The following TAFA5 variants were observed in gnomAD, a reference collection of about 807,000 sequenced individuals.
The protein encoded by TAFA5 is chemokine-like protein TAFA-5.
In TAFA5, 6 loss-of-function variants were observed where a neutral mutation model predicts 15.3. That is an observed-to-expected ratio of 0.39 (90% confidence interval 0.21 to 0.77). The LOEUF is 0.77. Among genes scored for constraint, TAFA5 ranks in the 30% least tolerant of loss-of-function variants. The pLI, the probability that TAFA5 is intolerant of heterozygous loss-of-function variation, is 0.41. For synonymous variants in TAFA5, 103 were observed against 80.7 expected (o/e 1.28, Z -1.48); for missense variants, 161 against 193.1 (o/e 0.83, Z 0.98).
In TAFA5 at chr22:48,578,775, C is replaced by T. The variant is rs564823573; in HGVS notation, c.113-67822C>T. Among the ~76,000 whole-genome samples, 26 of 152,316 alleles carry T rather than the reference C, an allele frequency of 1.7e-4. No homozygotes were observed. In the South Asian group the frequency reaches 5.0e-3, roughly 29 times the overall value. ...GGAAGGTCAGGACTTGGGCAGCCTC[C>T]CTGTCCTTGCTGAGACGGCCTTTTG... On this transcript the variant is annotated intron_variant, in intron 1 of 3. Transcript: ENST00000402357.
chr22:48,650,652 AC>A (rs1385848760), intron 2 of TAFA5, among the ~76,000 whole-genome samples: 44 of 152,284 alleles, frequency 2.9e-4, no homozygotes, highest in African/African-American at 1.0e-3. Flanking sequence ...TTCTGGGTGA[AC>A]CATGTCCCTG....
chr22:48,508,751 T>C (rs1921103128), intron 1 of TAFA5, among the ~76,000 whole-genome samples: 1 of 152,214 alleles, frequency 6.6e-6, no homozygotes, highest in South Asian at 2.1e-4. Context: ...ATACAAACAA[T>C]GTGTGGTGAT....
chr22:48,628,613 C>T (rs1178931137), intron 1 of TAFA5, among the ~76,000 whole-genome samples: 4 of 152,204 alleles, frequency 2.6e-5, no homozygotes, highest in African/African-American at 9.7e-5. Flanking sequence ...GATGCTTGGA[C>T]CTGGTGAGCT....
chr22:48,492,818 CTT>C (rs1390234258), intron 1 of TAFA5, among the ~76,000 whole-genome samples: 4 of 152,162 alleles, frequency 2.6e-5, no homozygotes, highest in African/African-American at 9.7e-5. Context: ...TGATGATGAG[CTT>C]TGATGGGGAA....
intron 1 of TAFA5, among the ~76,000 whole-genome samples, chr22:48,563,403 C>T (rs895096856): frequency 2.6e-5 from 4 of 152,228 alleles, no homozygotes; most frequent in South Asian, 2.1e-4. Flanking sequence ...CCTCACTCAC[C>T]GGCAGTGTGG....
chr22:48,584,690 AACAC>A (rs747067679), intron 1 of TAFA5, among the ~76,000 whole-genome samples: 3 of 140,724 alleles, frequency 2.1e-5, no homozygotes, highest in African/African-American at 8.0e-5. Context: ...ATACACCACA[AACAC>A]ACACCACACA....
intron 1 of TAFA5, among the ~76,000 whole-genome samples, chr22:48,523,849 G>C (rs1921688952): frequency 6.6e-6 from 1 of 152,212 alleles, no homozygotes; most frequent in South Asian, 2.1e-4. Flanking sequence ...CTGCAGAGAG[G>C]AGGCTGGCGA....
intron 3 of TAFA5, among the ~76,000 whole-genome samples, chr22:48,738,341 C>T (rs1930089064): frequency 6.6e-6 from 1 of 152,216 alleles, no homozygotes; most frequent in African/African-American, 2.4e-5. Flanking sequence ...TGTCACCAAA[C>T]CCACATGGGG....
Position 48,490,581 on chromosome 22 carries a change from C to T in TAFA5, c.112+877C>T, listed in dbSNP as rs573636637. ...TGCTCAGCATCCCGGGGCACGTTCGCGGCTGGTGGGGTAAGTGGGGGCCGC... is the reference window on the plus strand; with the variant it reads ...TGCTCAGCATCCCGGGGCACGTTCGTGGCTGGTGGGGTAAGTGGGGGCCGC... On this transcript the variant is annotated intron_variant, in intron 1 of 3. Transcript: ENST00000402357. The surrounding 1 kb of genome is among the most constrained non-coding windows in gnomAD (Gnocchi z 5.8). 6.6e-6 allele frequency among the ~76,000 whole-genome samples: 1 copy of T among 151,738 alleles called. No homozygotes were observed. Among genetic ancestry groups the T allele is most frequent in the South Asian group, 2.1e-4 (1 of 4,806 alleles).
chr22:48,513,678 G>A (rs910322152), intron 1 of TAFA5, among the ~76,000 whole-genome samples: 3 of 152,246 alleles, frequency 2.0e-5, no homozygotes, highest in African/African-American at 7.2e-5. Flanking sequence ...GTTCTGACAG[G>A]GCCCTGGCCT....
At chr22:48,698,235 G>C (rs1928788998) in intron 2 of TAFA5, among the ~76,000 whole-genome samples, 1 of 152,130 alleles carries the variant, frequency 6.6e-6, no homozygotes, top group African/African-American at 2.4e-5. Context: ...TGGTGATGAT[G>C]ATGGCCCAGG....
intron 2 of TAFA5, among the ~76,000 whole-genome samples, chr22:48,703,502 C>T (rs1053182143): frequency 2.0e-5 from 3 of 152,234 alleles, no homozygotes; most frequent in African/African-American, 7.2e-5. Context: ...ATCCCTCCCC[C>T]ATCCTCAGCC....
rs529254654 is a variant in TAFA5 at position 48,742,405 on chromosome 22, A to G, written c.391-7434A>G. On this transcript the variant is annotated intron_variant, in intron 3 of 3. Coordinates refer to ENST00000402357, the MANE Select transcript of TAFA5 (RefSeq NM_001082967.3). This position sits in a 1 kb window ranked among gnomAD's most constrained non-coding sequence, Gnocchi z 6.2. The stretch of plus-strand genomic sequence containing the variant: ...TTTTAGTCAGAGCCCACATTAACAC[A>G]GCAAGAGCCCAGCCAGAGCAGGTGG... Among the ~76,000 whole-genome samples the G allele has an allele frequency of 4.6e-5, 7 of 152,388 alleles. No individual in the cohort carries two copies. In the East Asian group the frequency reaches 1.3e-3, roughly 29 times the overall value.
intron 2 of TAFA5, among the ~76,000 whole-genome samples, chr22:48,702,558 G>A (rs116228532): frequency 0.039 from 5,809 of 148,226 alleles, 371 homozygotes; most frequent in African/African-American, 0.14. Context: ...TTTACGCCCC[G>A]TGCCCTTTAC....
chr22:48,569,294 T>C (rs12484924), intron 1 of TAFA5, among the ~76,000 whole-genome samples: 12,430 of 152,170 alleles, frequency 0.082, 528 homozygotes, highest in Middle Eastern at 0.13. Flanking sequence ...GGTGCAGTCA[T>C]GGAAGTTTCT....
chr22:48,500,142 C>A (rs545898054), intron 1 of TAFA5, among the ~76,000 whole-genome samples: 2 of 152,230 alleles, frequency 1.3e-5, no homozygotes, highest in African/African-American at 4.8e-5. Context: ...GTCTTCCAGA[C>A]CCTCAATTTT....
intron 1 of TAFA5, among the ~76,000 whole-genome samples, chr22:48,611,139 T>G (rs1343616797): frequency 6.6e-6 from 1 of 152,208 alleles, no homozygotes; most frequent in East Asian, 1.9e-4. Context: ...TTCACCATGT[T>G]GGCCAGGCTG....
intron 1 of TAFA5, among the ~76,000 whole-genome samples, chr22:48,491,295 G>A (rs1296389049): frequency 1.3e-5 from 2 of 152,218 alleles, no homozygotes; most frequent in Non-Finnish European, 2.9e-5. Flanking sequence ...CCTAGGAGAT[G>A]TAGAAAGGGT....
At chr22:48,705,559 C>T (rs770242510) in intron 2 of TAFA5, among the ~76,000 whole-genome samples, 11 of 152,234 alleles carry the variant, frequency 7.2e-5, no homozygotes, top group Admixed American at 3.3e-4. Flanking sequence ...GCCCACTGCT[C>T]CTATAGGAAC....
Sources: gnomAD v4.1 joint callset for allele counts (sites outside exome capture counted in the v4.1 genomes callset) on GRCh38, gnomAD v4.1.1 for gene constraint, Gnocchi (gnomAD v3.1) non-coding constraint, MANE v1.5 for transcripts, NCBI Gene and HGNC (gene_info 2026-07-23, HGNC 2026-07-21) for gene names.